The following ABCC8 variants were observed in gnomAD, a reference collection of about 807,000 sequenced individuals.
The protein encoded by ABCC8 is ATP binding cassette subfamily C member 8, also known as ATP-binding cassette sub-family C member 8.
In ABCC8, 137 loss-of-function variants were observed where a neutral mutation model predicts 188.0. The ratio of observed to expected loss-of-function variants is 0.73; its 90% CI spans 0.63 to 0.84. The LOEUF (loss-of-function observed/expected upper bound fraction) is 0.84. Among genes scored for constraint, ABCC8 ranks in the 40% least tolerant of loss-of-function variants. The probability of loss-of-function intolerance (pLI) is 0.00; values close to 1 mark genes in which losing one functional copy is unlikely to be tolerated. For missense variants in ABCC8, 1,750 were observed against 2,072.7 expected (o/e 0.84, Z 3.02); for synonymous variants, 797 against 846.5 (o/e 0.94, Z 1.01).
At chr11:17,398,549 A>G in intron 29 of ABCC8, 108 bp from the exon 30 acceptor site, 3 of 1,561,782 alleles carry the variant, frequency 1.9e-6, no homozygotes, top group South Asian at 2.4e-5. Context: ...GTCCCCAGAC[A>G]TGCCACCGTG....
intron 10 of ABCC8, among the ~76,000 whole-genome samples, chr11:17,437,752 T>C (rs560894017): frequency 6.6e-6 from 1 of 152,288 alleles, no homozygotes; most frequent in East Asian, 1.9e-4. Flanking sequence ...GGCCAGGATA[T>C]GCATAAGCAG....
chr11:17,440,183 T>C (rs368220145), intron 10 of ABCC8, among the ~76,000 whole-genome samples: 2 of 152,172 alleles, frequency 1.3e-5, no homozygotes, highest in East Asian at 3.9e-4. Flanking sequence ...CCCTTCCCTC[T>C]CTCTATCTCA....
Position 17,450,306 on chromosome 11 carries a change from CTTTCTTTCTTTCTT to C in ABCC8, c.1177-1649_1177-1636del, listed in dbSNP as rs1564959218. On this transcript the variant is annotated intron_variant, in intron 7 of 38. Transcript: ENST00000389817. The stretch of plus-strand genomic sequence containing the variant: ...TCTTTCTTTCTTTCTTTCTTTCTTT[CTTTCTTTCTTTCTT>C]TCTTTCTCTCTCTCTCTTTCCTTTC... Among the ~76,000 whole-genome samples, 49 of 130,302 alleles carry C rather than the reference CTTTCTTTCTTTCTT, an allele frequency of 3.8e-4. No individual in the cohort carries two copies. In the East Asian group the frequency reaches 5.1e-3, roughly 13 times the overall value. 85.5% of individuals were successfully genotyped at this position (130,302 alleles called of 152,430 possible). A position where few individuals can be genotyped will look rare whatever the true frequency, so the allele number is the denominator to read the frequency against.
chr11:17,464,275 AG>A (rs1438496983), intron 3 of ABCC8, among the ~76,000 whole-genome samples: 1 of 152,198 alleles, frequency 6.6e-6, no homozygotes, highest in African/African-American at 2.4e-5. Context: ...AGAGGGTGAA[AG>A]CCTGGATCCC....
chr11:17,408,952 CTTTT>C (rs376681171), intron 22 of ABCC8, among the ~76,000 whole-genome samples: 4 of 125,796 alleles, frequency 3.2e-5, no homozygotes, highest in African/African-American at 2.9e-5. Context: ...ATCAATAAAT[CTTTT>C]TTTTTTTTTT....
Position 17,474,888 on chromosome 11 carries a change from A to T in ABCC8, c.288T>A (p.Asp96Glu). ...TGAGTCCTCAGACAGTCACTCACCCATCAGACAGGATGCCCTCTGCAATCT... is the reference window on the plus strand; with the variant it reads ...TGAGTCCTCAGACAGTCACTCACCCTTCAGACAGGATGCCCTCTGCAATCT... ...VCEIAEGILS[D>E]GVTESHHLHL... The change falls in exon 2 of 39, where the codon GAT (aspartate) becomes GAA (glutamate). Residue 96 changes from aspartate (D) to glutamate (E), a missense_variant and splice_region_variant. Transcript: ENST00000389817. 1 of 1,614,112 alleles carries T rather than the reference A, an allele frequency of 6.2e-7. No homozygotes were observed. Among genetic ancestry groups the T allele is most frequent in the Non-Finnish European group, 8.5e-7 (1 of 1,180,030 alleles).
intron 7 of ABCC8, among the ~76,000 whole-genome samples, chr11:17,451,365 C>A (rs1401377794): frequency 6.6e-6 from 1 of 152,172 alleles, no homozygotes; most frequent in Non-Finnish European, 1.5e-5. Context: ...GGGCTTTTTC[C>A]ACTATTGTCA....
intron 3 of ABCC8, among the ~76,000 whole-genome samples, chr11:17,467,818 T>C (rs905579150): frequency 6.6e-6 from 1 of 152,240 alleles, no homozygotes; most frequent in African/African-American, 2.4e-5. Context: ...CTGTGGAGTG[T>C]CCTTTCAAGG....
At chr11:17,411,955 C>G (rs976192768) in intron 21 of ABCC8, among the ~76,000 whole-genome samples, 5 of 142,994 alleles carry the variant, frequency 3.5e-5, no homozygotes, top group African/African-American at 1.3e-4. Flanking sequence ...TGCAGTGGTG[C>G]GATCTCGGCT....
chr11:17,405,394 G>T, intron 27 of ABCC8, 100 bp downstream of exon 27: 1 of 1,561,796 alleles, frequency 6.4e-7, no homozygotes, highest in Non-Finnish European at 8.8e-7. Flanking sequence ...CCAGAGGGCT[G>T]TGATCACCTG....
chr11:17,472,026 T>C (rs1848509455), intron 2 of ABCC8, among the ~76,000 whole-genome samples: 1 of 152,332 alleles, frequency 6.6e-6, no homozygotes, highest in East Asian at 1.9e-4. Flanking sequence ...CTCCTTGAAA[T>C]AATTTTGAAA....
chr11:17,474,015 CT>C (rs1848624230), intron 2 of ABCC8, among the ~76,000 whole-genome samples: 1 of 152,282 alleles, frequency 6.6e-6, no homozygotes, highest in South Asian at 2.1e-4. Context: ...TCTTTGGTGC[CT>C]TTTCCCTTCC....
At chr11:17,463,746 G>A (rs1417050761) in intron 3 of ABCC8, 142 bp from the exon 4 acceptor site, 4 of 1,047,124 alleles carry the variant, frequency 3.8e-6, no homozygotes, top group Non-Finnish European at 4.2e-6. Context: ...GGATGTGCAC[G>A]TGTGAATATA....
Position 17,416,913 on chromosome 11 carries a change from C to G in ABCC8, c.2255+17G>C, listed in dbSNP as rs1285779328. 1 of 1,613,962 alleles carries G rather than the reference C, an allele frequency of 6.2e-7. No individual in the cohort carries two copies. The highest frequency in any genetic ancestry group is 8.5e-7 in the Non-Finnish European group (1 of 1,179,960). ...CCTTTGTTGAGACCCACTTCTGACC[C>G]AGTCCCAAGGCTGTACCTGGGGTCC... On this transcript the variant is annotated intron_variant, in intron 17 of 38. Transcript: ENST00000389817.
At position 17,427,149 on chromosome 11, in the gene ABCC8, GC is replaced by G. The variant is rs1333738895; in HGVS notation, c.2121del (p.Gln707HisfsTer2). 2 of 1,612,742 alleles carry G rather than the reference GC, an allele frequency of 1.2e-6. No individual in the cohort carries two copies. Among genetic ancestry groups the G allele is most frequent in the African/African-American group, 2.7e-5 (2 of 74,880 alleles). ...SNITIRIPRG[Q>X]LTMIVGQVGC... ...CCCACCTGCCCCACGATCATAGTCA[GC>G]TGGCCTGCAGGGAGGGAGGGTGGCA... On this transcript the variant is annotated frameshift_variant, in exon 16 of 39. Transcript: ENST00000389817. LOFTEE classifies it high-confidence loss of function. The surrounding 1 kb of genome is among the most constrained non-coding windows in gnomAD (Gnocchi z 5.0).
chr11:17,409,350 G>A (rs2237993), intron 22 of ABCC8, among the ~76,000 whole-genome samples: 81,941 of 151,828 alleles, frequency 0.54, 23,375 homozygotes, highest in East Asian at 0.72. Context: ...ACCCCCTCCC[G>A]CCCTATGCTG....
At chr11:17,423,592 A>G (rs929234) in intron 16 of ABCC8, among the ~76,000 whole-genome samples, 87,794 of 151,934 alleles carry the variant, frequency 0.58, 25,764 homozygotes, top group Admixed American at 0.65. Flanking sequence ...GGACCGGGCG[A>G]GAGAGCAAAG....
chr11:17,428,407 T>A lies in ABCC8; in HGVS notation c.1924-2A>T. Reference sequence around the variant, plus strand: ...CTTGCGGTTCACAACCCTGAGGGGCTGGGGGTGGTTTGGAGGTGAGGACCC... The same window carrying A: ...CTTGCGGTTCACAACCCTGAGGGGCAGGGGGTGGTTTGGAGGTGAGGACCC... On this transcript the variant is annotated splice_acceptor_variant, in intron 13 of 38. Transcript: ENST00000389817. LOFTEE classifies it high-confidence loss of function. 6.2e-7 allele frequency: 1 copy of A among 1,612,316 alleles called. No homozygotes were observed. Among genetic ancestry groups the A allele is most frequent in the Non-Finnish European group, 8.5e-7 (1 of 1,178,704 alleles).
chr11:17,446,544 G>T (rs1199050991), intron 8 of ABCC8, among the ~76,000 whole-genome samples: 1 of 152,168 alleles, frequency 6.6e-6, no homozygotes, highest in African/African-American at 2.4e-5. Flanking sequence ...CTTTTGAGTG[G>T]CTGAGACTAC....
Sources: gnomAD v4.1 joint callset for allele counts (sites outside exome capture counted in the v4.1 genomes callset) on GRCh38, gnomAD v4.1.1 for gene constraint, Gnocchi (gnomAD v3.1) non-coding constraint, MANE v1.5 for transcripts, NCBI Gene and HGNC (gene_info 2026-07-23, HGNC 2026-07-21) for gene names.